MYBPC1: variants seen among roughly 807,000 people sequenced by gnomAD.
MYBPC1 encodes myosin binding protein C1.
MYBPC1 carries 52 observed loss-of-function variants against 147.1 expected under a neutral mutation model. The ratio of observed to expected loss-of-function variants is 0.35; its 90% CI spans 0.28 to 0.45. The LOEUF is 0.45. MYBPC1 is among the 20% of genes least tolerant of loss of function. The pLI, the probability that MYBPC1 is intolerant of heterozygous loss-of-function variation, is 1.00. For missense variants in MYBPC1, 1,228 were observed against 1,440.3 expected (o/e 0.85, Z 2.39); for synonymous variants, 477 against 475.9 (o/e 1.00, Z -0.03).
At position 101,644,783 on chromosome 12, in the gene MYBPC1, C is replaced by A; in HGVS notation, c.952C>A (p.Arg318=). The A allele has an allele frequency of 1.2e-6, 2 of 1,613,716 alleles. No homozygotes were observed. Among genetic ancestry groups the A allele is most frequent in the Non-Finnish European group, 1.7e-6 (2 of 1,179,776 alleles). ...VKWYKNGQEI[R]PSTKYIFEHK... Reference sequence around the variant, plus strand: ...ATGGTATAAAAATGGTCAAGAAATTCGACCCAGTACCAAGTAAGTGGGCTT... The same window carrying A: ...ATGGTATAAAAATGGTCAAGAAATTAGACCCAGTACCAAGTAAGTGGGCTT... Residue 318 remains arginine, a synonymous_variant, in exon 12 of 32, where the codon CGA becomes AGA. Transcript: ENST00000361466.
intron 1 of MYBPC1, among the ~76,000 whole-genome samples, chr12:101,601,962 T>A (rs1210147700): frequency 6.6e-6 from 1 of 152,244 alleles, no homozygotes; most frequent in Non-Finnish European, 1.5e-5. Flanking sequence ...AGGGTTGTTA[T>A]GCACACAGTA....
chr12:101,617,703 G>A (rs1179807484), intron 3 of MYBPC1, among the ~76,000 whole-genome samples: 1 of 152,154 alleles, frequency 6.6e-6, no homozygotes, highest in Non-Finnish European at 1.5e-5. Context: ...TATTCATGTA[G>A]ATTTATATAA....
chr12:101,652,931 C>T, intron 17 of MYBPC1, 147 bp downstream of exon 17: 1 of 1,060,432 alleles, frequency 9.4e-7, no homozygotes, highest in Non-Finnish European at 1.4e-6. Flanking sequence ...AGATTGGTGA[C>T]TTATACCAAC....
chr12:101,662,416 T>C lies in MYBPC1; in HGVS notation c.2091T>C (p.Asp697=). ...CCAGGTGGATGAGGCTGAATTTTGA[T>C]CTCTGCAAAGAAACAACTTTTGAGC... ...QSSRWMRLNF[D]LCKETTFEPK... Residue 697 remains aspartate (D), a synonymous_variant, in exon 21 of 32, where the codon GAT becomes GAC. Coordinates refer to ENST00000361466, the MANE Select transcript of MYBPC1 (RefSeq NM_002465.4). 2 of 1,614,244 alleles carry C rather than the reference T, an allele frequency of 1.2e-6. No individual in the cohort carries two copies. The highest frequency in any genetic ancestry group is 2.2e-5 in the South Asian group (2 of 91,086).
At position 101,651,323 on chromosome 12, in the gene MYBPC1, C is replaced by A. The variant is rs1894392911; in HGVS notation, c.1456C>A (p.Pro486Thr). Residue 486 changes from proline (P) to threonine (T), a missense_variant, in exon 16 of 32, where the codon CCA (proline) becomes ACA (threonine). By Grantham distance (38) the Pro-to-Thr change is conservative. Around this residue, in one of 2 missense-constraint regions of MYBPC1, gnomAD observed 1,077 missense variants for 1,314.2 expected, o/e 0.82. Coordinates refer to ENST00000361466, the MANE Select transcript of MYBPC1 (RefSeq NM_002465.4). ...CLKCEISENI[P>T]GKWTKNGLPV... is the part of the protein sequence containing the mutation. Reference sequence around the variant, plus strand: ...GAAGTGTGAAATCTCTGAAAACATACCAGGAAAATGGACTAAAAATGGCCT... The same window carrying A: ...GAAGTGTGAAATCTCTGAAAACATAACAGGAAAATGGACTAAAAATGGCCT... The A allele has an allele frequency of 1.2e-6, 2 of 1,613,872 alleles. No individual in the cohort carries two copies. Among genetic ancestry groups the A allele is most frequent in the South Asian group, 2.2e-5 (2 of 91,070 alleles).
At chr12:101,652,937 C>A (rs1894790671) in intron 17 of MYBPC1, among the ~76,000 whole-genome samples, 153 bp downstream of exon 17, 1 of 152,134 alleles carries the variant, frequency 6.6e-6, no homozygotes, top group African/African-American at 2.4e-5. Flanking sequence ...GTGACTTATA[C>A]CAACACCTTA....
chr12:101,645,095 T>A (rs566810944), intron 12 of MYBPC1, among the ~76,000 whole-genome samples: 2 of 152,296 alleles, frequency 1.3e-5, no homozygotes, highest in Admixed American at 1.3e-4. Context: ...TCTCCCAATT[T>A]TAAAAAATAA....
In MYBPC1 at chr12:101,673,600, A is replaced by T. The variant is rs1164607275; in HGVS notation, c.2787A>T (p.Ala929=). ...AAGTGGACAAATTCGTGGAGACCGC[A>T]TCAATTGACATCCAGATCATTGGTA... ...QVKVDKFVET[A]SIDIQIIDRP... Residue 929 remains alanine (A), a synonymous_variant, in exon 25 of 32, where the codon GCA becomes GCT. Coordinates refer to ENST00000361466, the MANE Select transcript of MYBPC1 (RefSeq NM_002465.4). 6.2e-7 allele frequency: 1 copy of T among 1,614,186 alleles called. No homozygotes were observed.
chr12:101,695,202 A>C, the MYBPC1 span, among the ~76,000 whole-genome samples: 3 of 152,204 alleles, frequency 2.0e-5, no homozygotes, highest in Non-Finnish European at 4.4e-5. Context: ...CTCCAGAGAC[A>C]TATTCCAAGA....
intron 25 of MYBPC1, 47 bp downstream of exon 25, chr12:101,673,669 G>A (rs751541196): frequency 1.9e-6 from 3 of 1,598,828 alleles, no homozygotes; most frequent in Non-Finnish European, 1.7e-6. Context: ...AGCAGTACAG[G>A]GATGAATTGT....
chr12:101,631,493 A>G, intron 6 of MYBPC1, 78 bp from the exon 7 acceptor site: 1 of 1,466,488 alleles, frequency 6.8e-7, no homozygotes. Context: ...GTGCAGTCCC[A>G]TGTCAACTCC....
At position 101,671,865 on chromosome 12, in the gene MYBPC1, T is replaced by C. The variant is rs117738568; in HGVS notation, c.2613+1456T>C. 4.5e-3 allele frequency among the ~76,000 whole-genome samples: 691 copies of C among 152,372 alleles called. 5 individuals carry two copies. The highest frequency in any genetic ancestry group is 0.02 in the Middle Eastern group (6 of 294). ...GAAGGGAGATGAGACCAAAGTGTGA[T>C]GTTTGTATATTTGTGTAATCTCTAG... On this transcript the variant is annotated intron_variant, in intron 24 of 31. Coordinates refer to ENST00000361466, the MANE Select transcript of MYBPC1 (RefSeq NM_002465.4).
intron 1 of MYBPC1, among the ~76,000 whole-genome samples, chr12:101,600,750 C>T (rs943291214): frequency 1.3e-5 from 2 of 152,030 alleles, no homozygotes; most frequent in African/African-American, 4.8e-5. Context: ...TCTATGAAAA[C>T]TATATTAAGA....
chr12:101,608,033 T>C (rs1882910349), intron 1 of MYBPC1, among the ~76,000 whole-genome samples: 1 of 152,202 alleles, frequency 6.6e-6, no homozygotes, highest in Non-Finnish European at 1.5e-5. Flanking sequence ...CTGCCACCAG[T>C]GCCCGTCAAT....
intron 1 of MYBPC1, among the ~76,000 whole-genome samples, chr12:101,609,070 A>G (rs887430230): frequency 2.0e-5 from 3 of 152,016 alleles, no homozygotes; most frequent in African/African-American, 7.2e-5. Context: ...TGAAAAGGAG[A>G]AGGAGAAGGG....
At chr12:101,642,693 G>A (rs1342767530) in intron 11 of MYBPC1, 108 bp downstream of exon 11, 1 of 1,275,134 alleles carries the variant, frequency 7.8e-7, no homozygotes, top group Non-Finnish European at 1.1e-6. Flanking sequence ...GGGGTTGGGA[G>A]TGGGGCTGGG....
intron 24 of MYBPC1, among the ~76,000 whole-genome samples, chr12:101,671,457 C>T (rs1041561943): frequency 6.6e-6 from 1 of 152,138 alleles, no homozygotes; most frequent in African/African-American, 2.4e-5. Flanking sequence ...CATTGCACTC[C>T]GGGTGCAAAC....
At chr12:101,676,796 T>G (rs185311329) in intron 26 of MYBPC1, among the ~76,000 whole-genome samples, 1 of 152,272 alleles carries the variant, frequency 6.6e-6, no homozygotes, top group African/African-American at 2.4e-5. Context: ...TACTGGATAT[T>G]ACTAATGTTT....
intron 26 of MYBPC1, among the ~76,000 whole-genome samples, chr12:101,676,787 A>G (rs773186179): frequency 6.6e-6 from 1 of 152,112 alleles, no homozygotes; most frequent in Non-Finnish European, 1.5e-5. Context: ...AAATAAATGT[A>G]CTGGATATTA....
Sources: allele counts gnomAD v4.1 joint callset (sites outside exome capture counted in the v4.1 genomes callset), GRCh38; gene constraint gnomAD v4.1.1; regional missense constraint gnomAD v4.1.1; transcripts MANE v1.5; gene names NCBI Gene and HGNC (gene_info 2026-07-23, HGNC 2026-07-21).